Variants in SLC4A5 observed in about 807,000 individuals in gnomAD.
SLC4A5 encodes solute carrier family 4 member 5, also known as electrogenic sodium bicarbonate cotransporter 4.
In SLC4A5, 96 loss-of-function variants were observed where a neutral mutation model predicts 120.4. The ratio of observed to expected loss-of-function variants is 0.80; its 90% CI spans 0.68 to 0.94. The LOEUF is 0.94. Among genes scored for constraint, SLC4A5 ranks in the 40% least tolerant of loss-of-function variants. The pLI is 0.00. For missense variants in SLC4A5, 1,259 were observed against 1,459.5 expected, an observed-to-expected ratio of 0.86 and a Z score of 2.24; for synonymous variants, 550 against 571.1, an observed-to-expected ratio of 0.96 and a Z score of 0.53.
chr2:74,324,436 G>C (rs923602818), intron 5 of SLC4A5, among the ~76,000 whole-genome samples: 10 of 152,142 alleles, frequency 6.6e-5, no homozygotes, highest in African/African-American at 2.4e-4. Context: ...TGTTAAAATA[G>C]ATTGCTGGGT....
chr2:74,243,172 A>AC (rs1670500438), intron 19 of SLC4A5, among the ~76,000 whole-genome samples: 1 of 152,190 alleles, frequency 6.6e-6, no homozygotes, highest in Admixed American at 6.5e-5. Context: ...CATGTGGATC[A>AC]CATGACGGTC....
At chr2:74,328,238 G>C in intron 4 of SLC4A5, 52 bp from the exon 5 acceptor site, 1 of 972,772 alleles carries the variant, frequency 1.0e-6, no homozygotes, top group South Asian at 4.8e-5. Flanking sequence ...AACAGTATTT[G>C]GGGCATTGGA....
At chr2:74,265,315 C>G (rs772641266) in intron 8 of SLC4A5, 51 bp from the exon 9 acceptor site, 40 of 1,587,744 alleles carry the variant, frequency 2.5e-5, no homozygotes, top group Non-Finnish European at 3.4e-5. Context: ...CAGGAGGAGG[C>G]CTCACCTGGG....
rs190092637 is a variant in SLC4A5 at position 74,254,487 on chromosome 2, T to C, written c.1113+132A>G. 17 of 708,494 alleles carry C rather than the reference T, an allele frequency of 2.4e-5. No individual in the cohort carries two copies. In the African/African-American group the frequency reaches 2.5e-4, roughly 10 times the overall value. 43.9% of individuals were successfully genotyped at this position (708,494 alleles called of 1,614,324 possible). A position where few individuals can be genotyped will look rare whatever the true frequency, so the allele number is the denominator to read the frequency against. On this transcript the variant is annotated intron_variant, in intron 14 of 30. Transcript: ENST00000394019. ...ACTATTCCCTGATTCTCATAATCTT[T>C]AGCATCCTATGTAGTGCCTGGTACA...
intron 8 of SLC4A5, among the ~76,000 whole-genome samples, chr2:74,276,078 G>C (rs1177435887): frequency 6.6e-6 from 1 of 152,134 alleles, no homozygotes; most frequent in Non-Finnish European, 1.5e-5. Flanking sequence ...AGCTAGCTAA[G>C]CATGGTTTTT....
Position 74,229,258 on chromosome 2 carries a change from T to C in SLC4A5, c.2848-1380A>G, listed in dbSNP as rs28665037. Among the ~76,000 whole-genome samples the C allele has an allele frequency of 3.2e-3, 413 of 128,096 alleles. 4 individuals carry two copies. Among genetic ancestry groups the C allele is most frequent in the African/African-American group, 0.012 (391 of 33,440 alleles). The allele number at this position is 128,096 out of a possible 152,430, so 84.0% of individuals were successfully genotyped here. A position where few individuals can be genotyped will look rare whatever the true frequency, so the allele number is the denominator to read the frequency against. ...GCCGATTCGAAGGTGTTTTTTTTTT[T>C]TGGGGGGGGCACGGAGTCTCACTCT... On this transcript the variant is annotated intron_variant, in intron 25 of 30. Coordinates refer to ENST00000394019, the Ensembl canonical transcript of SLC4A5.
At chr2:74,267,657 A>AT (rs975563776) in intron 8 of SLC4A5, among the ~76,000 whole-genome samples, 11 of 152,220 alleles carry the variant, frequency 7.2e-5, no homozygotes, top group Admixed American at 7.2e-4. Context: ...TTGGGGCGGG[A>AT]TTTAAGACTT....
At chr2:74,261,672 A>G (rs1216751107) in intron 11 of SLC4A5, among the ~76,000 whole-genome samples, 1 of 152,142 alleles carries the variant, frequency 6.6e-6, no homozygotes, top group Non-Finnish European at 1.5e-5. Context: ...AGCCATTCCC[A>G]GAAAAAAGGG....
chr2:74,338,649 T>C (rs941581340), intron 3 of SLC4A5, among the ~76,000 whole-genome samples: 2 of 152,070 alleles, frequency 1.3e-5, no homozygotes, highest in Non-Finnish European at 2.9e-5. Context: ...TGAAACCCCA[T>C]GTCTACTAAA....
At chr2:74,234,212 T>C (rs1670194346) in intron 22 of SLC4A5, among the ~76,000 whole-genome samples, 1 of 151,670 alleles carries the variant, frequency 6.6e-6, no homozygotes, top group Admixed American at 6.6e-5. Context: ...AGAGTCTTGT[T>C]ATGTTACCCA....
intron 3 of SLC4A5, among the ~76,000 whole-genome samples, chr2:74,337,476 T>C (rs574694845): frequency 2.0e-4 from 31 of 152,302 alleles, no homozygotes; most frequent in African/African-American, 7.2e-4. Context: ...GTCAGCACCT[T>C]TTTAAAGAGC....
At chr2:74,246,647 G>C (rs1216221855) in intron 19 of SLC4A5, among the ~76,000 whole-genome samples, 2 of 152,202 alleles carry the variant, frequency 1.3e-5, no homozygotes, top group African/African-American at 4.8e-5. Flanking sequence ...CTCTGTCTTG[G>C]GGAGAGCTCA....
chr2:74,238,092 A>C (rs1305032833), intron 21 of SLC4A5, among the ~76,000 whole-genome samples: 1 of 152,032 alleles, frequency 6.6e-6, no homozygotes, highest in African/African-American at 2.4e-5. Context: ...ACAGAGTGAG[A>C]CTCTGTCTCA....
At chr2:74,290,656 G>C in intron 7 of SLC4A5, 1 of 934,994 alleles carries the variant, frequency 1.1e-6, no homozygotes, top group Non-Finnish European at 1.2e-6. Context: ...AGAGAAGTGA[G>C]CAAGAGAGAG....
chr2:74,244,117 AG>A (rs1385236249), intron 19 of SLC4A5, among the ~76,000 whole-genome samples: 8 of 152,322 alleles, frequency 5.3e-5, no homozygotes, highest in African/African-American at 1.7e-4. Context: ...CCCTCATCCC[AG>A]TCTCCTAAAT....
intron 5 of SLC4A5, among the ~76,000 whole-genome samples, chr2:74,327,110 T>A (rs766242328): frequency 1.3e-5 from 2 of 152,222 alleles, no homozygotes; most frequent in African/African-American, 2.4e-5. Flanking sequence ...AACAAAATAG[T>A]TTCATTACTA....
intron 27 of SLC4A5, among the ~76,000 whole-genome samples, chr2:74,225,782 C>T (rs984019805): frequency 1.3e-5 from 2 of 152,140 alleles, no homozygotes; most frequent in Non-Finnish European, 2.9e-5. Context: ...TAGACCCACA[C>T]ATTGAATTTT....
At chr2:74,327,064 T>C (rs1031959149) in intron 5 of SLC4A5, among the ~76,000 whole-genome samples, 2 of 152,224 alleles carry the variant, frequency 1.3e-5, no homozygotes, top group Non-Finnish European at 2.9e-5. Flanking sequence ...GAGTATCCAC[T>C]TTGTTCCAGA....
intron 20 of SLC4A5, among the ~76,000 whole-genome samples, chr2:74,241,616 C>A (rs1370942327): frequency 1.3e-5 from 2 of 151,680 alleles, no homozygotes; most frequent in Admixed American, 1.3e-4. Context: ...ATGGTGCGTG[C>A]CTGTAATCCC....
Sources: gnomAD v4.1 joint callset for allele counts (sites outside exome capture counted in the v4.1 genomes callset) on GRCh38, gnomAD v4.1.1 for gene constraint, MANE v1.5 for transcripts, NCBI Gene and HGNC (gene_info 2026-07-23, HGNC 2026-07-21) for gene names.